The following SUSD1 variants were observed in gnomAD, a reference collection of about 807,000 sequenced individuals.
SUSD1 encodes sushi domain-containing protein 1.
Under a neutral mutation model 86.9 loss-of-function variants are expected in SUSD1, and 65 were observed. The ratio of observed to expected loss-of-function variants is 0.75; its 90% CI spans 0.61 to 0.92. The LOEUF (loss-of-function observed/expected upper bound fraction) is 0.92, where lower values mean the gene tolerates loss of function less well. SUSD1 is among the 40% of genes least tolerant of loss of function. The probability of loss-of-function intolerance (pLI) is 0.00; values close to 1 mark genes in which losing one functional copy is unlikely to be tolerated. For missense variants in SUSD1, 850 were observed against 929.7 expected (o/e 0.91, Z 1.11); for synonymous variants, 346 against 350.0 (o/e 0.99, Z 0.13).
At chr9:112,151,596 C>CA (rs113921970) in intron 2 of SUSD1, among the ~76,000 whole-genome samples, 44 of 134,424 alleles carry the variant, frequency 3.3e-4, no homozygotes, top group Middle Eastern at 4.8e-3. Context: ...AATTCCATCT[C>CA]AAAAAAAAAA....
intron 13 of SUSD1, 135 bp from the exon 14 acceptor site, chr9:112,058,821 G>A: frequency 9.5e-7 from 1 of 1,049,726 alleles, no homozygotes; most frequent in African/African-American, 1.6e-5. Context: ...TTGAGATGGA[G>A]TCTTGCTCTG....
At chr9:112,089,818 A>C (rs1387846045) in intron 10 of SUSD1, among the ~76,000 whole-genome samples, 1 of 21,684 alleles carries the variant, frequency 4.6e-5, no homozygotes, top group African/African-American at 4.2e-4. Flanking sequence ...TCTCAAAAAA[A>C]AAAAAAAAAA....
chr9:112,098,657 G>A lies in SUSD1; in HGVS notation c.1287C>T (p.Thr429=), dbSNP rs777175359. ...CCAGATACCACCTCTGACCCAGAAC[G>A]GTAAACTGTCATGAGATTAAAAGAA... The part of the protein sequence containing the change: ...KVGSEHMYQF[T]VLGQRWYLAN... Residue 429 remains threonine, a synonymous_variant, in exon 10 of 17, where the codon ACC becomes ACT. Transcript: ENST00000374270. The A allele has an allele frequency of 5.6e-6, 9 of 1,613,904 alleles. No individual in the cohort carries two copies. The African/African-American group carries it at 6.7e-5, about 12-fold the overall frequency.
rs571394104 is a variant in SUSD1 at position 112,050,610 on chromosome 9, G to C, written c.2149+1789C>G. 2.0e-5 allele frequency among the ~76,000 whole-genome samples: 3 copies of C among 152,306 alleles called. No individual in the cohort carries two copies. The South Asian group carries it at 6.2e-4, about 32-fold the overall frequency. On this transcript the variant is annotated intron_variant, in intron 15 of 16. Transcript: ENST00000374270. ...GTTTTATGCTGCTCTGAGGCGGGGA[G>C]AGGAGGTAAAGGGTTAAACTGATAC...
Position 112,052,440 on chromosome 9 carries a change from T to C in SUSD1, c.2110-2A>G. On this transcript the variant is annotated splice_acceptor_variant, in intron 14 of 16. Transcript: ENST00000374270. LOFTEE classifies it high-confidence loss of function. ...AACTGCACAGGAGTGTCTTCTCACCTATAAAGGAAAACATAGCAATGCATT... is the reference window on the plus strand; with the variant it reads ...AACTGCACAGGAGTGTCTTCTCACCCATAAAGGAAAACATAGCAATGCATT... 6.2e-7 allele frequency: 1 copy of C among 1,614,050 alleles called. No individual in the cohort carries two copies. Among genetic ancestry groups the C allele is most frequent in the Non-Finnish European group, 8.5e-7 (1 of 1,179,990 alleles).
intron 5 of SUSD1, among the ~76,000 whole-genome samples, chr9:112,133,690 T>G (rs144103725): frequency 6.6e-6 from 1 of 152,116 alleles, no homozygotes; most frequent in East Asian, 1.9e-4. Context: ...TCAATAGCAA[T>G]TGCAACAAAA....
At chr9:112,087,033 G>A (rs763607012) in intron 10 of SUSD1, among the ~76,000 whole-genome samples, 16 of 150,458 alleles carry the variant, frequency 1.1e-4, no homozygotes, top group Admixed American at 2.7e-4. Flanking sequence ...TAAAAACAAT[G>A]CAGCTTGTAA....
intron 5 of SUSD1, among the ~76,000 whole-genome samples, chr9:112,139,935 A>C (rs1447137534): frequency 6.6e-6 from 1 of 152,202 alleles, no homozygotes; most frequent in Non-Finnish European, 1.5e-5. Context: ...ACAGAGAAAC[A>C]GAAAACCAGG....
chr9:112,145,339 G>C (rs1589722310), intron 3 of SUSD1, among the ~76,000 whole-genome samples: 1 of 148,456 alleles, frequency 6.7e-6, no homozygotes, highest in Non-Finnish European at 1.5e-5. Context: ...GAGTGCAATG[G>C]TGTGATCTTG....
intron 14 of SUSD1, 37 bp downstream of exon 14, chr9:112,058,391 A>G (rs41313305): frequency 7.7e-5 from 123 of 1,594,342 alleles, no homozygotes; most frequent in Non-Finnish European, 9.7e-5. Context: ...ACGAAGAAGA[A>G]AATACAGAGT....
In SUSD1 at chr9:112,143,586, A is replaced by G; in HGVS notation, c.411T>C (p.His137=). ...DECEVSGLCR[H]GGRCVNTHGS... ...CATGAGTGTTCACGCATCGCCCTCC[A>G]TGCCTGCACAGGCCAGAAACTTCAC... Residue 137 remains histidine (H), a synonymous_variant, in exon 4 of 17, where the codon CAT becomes CAC. Coordinates refer to ENST00000374270, the MANE Select transcript of SUSD1 (RefSeq NM_022486.5). The G allele has an allele frequency of 2.5e-6, 4 of 1,613,962 alleles. No individual in the cohort carries two copies. Among genetic ancestry groups the G allele is most frequent in the Non-Finnish European group, 3.4e-6 (4 of 1,179,952 alleles).
At chr9:112,071,976 T>G (rs1829288585) in intron 12 of SUSD1, among the ~76,000 whole-genome samples, 1 of 152,146 alleles carries the variant, frequency 6.6e-6, no homozygotes, top group Admixed American at 6.5e-5. Flanking sequence ...GTTATGAGAC[T>G]TCACCTCCCA....
intron 15 of SUSD1, chr9:112,052,191 T>C (rs1828242938): frequency 1.3e-6 from 2 of 1,493,366 alleles, no homozygotes; most frequent in South Asian, 1.3e-5. Context: ...TGGAGCCTTC[T>C]TGGTGGGGTA....
rs1241270377 is a variant in SUSD1, at chr9:112,144,352, GTCACTATAAATATATCCAA to G, written c.374-748_374-730del. On this transcript the variant is annotated intron_variant, in intron 3 of 16. Coordinates refer to ENST00000374270, the MANE Select transcript of SUSD1 (RefSeq NM_022486.5). ...ATATCCAGTCACTAAAATATATCCA[GTCACTATAAATATATCCAA>G]TCACTATAAATATATCCAATCACTA... Among the ~76,000 whole-genome samples, 145 of 151,504 alleles carry G rather than the reference GTCACTATAAATATATCCAA, an allele frequency of 9.6e-4. No homozygotes were observed. In the East Asian group the frequency reaches 0.01, roughly 11 times the overall value.
At chr9:112,130,328 GC>G (rs1221036490) in intron 5 of SUSD1, among the ~76,000 whole-genome samples, 15 of 150,960 alleles carry the variant, frequency 9.9e-5, no homozygotes, top group Non-Finnish European at 2.2e-4. Context: ...AGCCAAGAAT[GC>G]ACCACTGCAC....
intron 6 of SUSD1, among the ~76,000 whole-genome samples, chr9:112,122,966 A>G (rs1202942174): frequency 6.6e-6 from 1 of 152,158 alleles, no homozygotes; most frequent in Non-Finnish European, 1.5e-5. Context: ...GGGAGGGGCA[A>G]ATGGGGAGTT....
At chr9:112,063,078 G>A (rs762078458) in intron 12 of SUSD1, 45 bp from the exon 13 acceptor site, 6 of 1,254,888 alleles carry the variant, frequency 4.8e-6, no homozygotes, top group Non-Finnish European at 7.0e-6. Flanking sequence ...ATTGGAACAA[G>A]TAAACAGCAG....
At chr9:112,130,581 GAGGA>G (rs757855790) in intron 5 of SUSD1, among the ~76,000 whole-genome samples, 10 of 144,430 alleles carry the variant, frequency 6.9e-5, no homozygotes, top group African/African-American at 2.0e-4. Flanking sequence ...GAAAGGAAAG[GAGGA>G]AGGAAGGAAA....
intron 14 of SUSD1, among the ~76,000 whole-genome samples, chr9:112,053,398 C>T (rs903257469): frequency 1.3e-5 from 2 of 150,776 alleles, no homozygotes; most frequent in East Asian, 3.9e-4. Flanking sequence ...GCCTGTACTC[C>T]CAGCTACTTG....
Sources: allele counts gnomAD v4.1 joint callset (sites outside exome capture counted in the v4.1 genomes callset), GRCh38; gene constraint gnomAD v4.1.1; transcripts MANE v1.5; gene names NCBI Gene and HGNC (gene_info 2026-07-23, HGNC 2026-07-21).